Variants in TBL1XR1 observed in about 807,000 individuals in gnomAD.
The protein encoded by TBL1XR1 is F-box-like/WD repeat-containing protein TBL1XR1.
TBL1XR1 carries 5 observed loss-of-function variants against 66.9 expected under a neutral mutation model. The ratio of observed to expected loss-of-function variants is 0.07; its 90% CI spans 0.04 to 0.16. The LOEUF (loss-of-function observed/expected upper bound fraction) is 0.16. Among genes scored for constraint, TBL1XR1 ranks in the 10% least tolerant of loss-of-function variants. TBL1XR1 has a pLI of 1.00. For missense variants in TBL1XR1, 238 were observed against 623.2 expected, an observed-to-expected ratio of 0.38 and a Z score of 6.58; for synonymous variants, 210 against 206.0, an observed-to-expected ratio of 1.02 and a Z score of -0.17.
At chr3:177,179,335 G>GA (rs1734536071) in intron 1 of TBL1XR1, among the ~76,000 whole-genome samples, 3 of 152,092 alleles carry the variant, frequency 2.0e-5, no homozygotes, top group Admixed American at 6.6e-5. Flanking sequence ...ATATGCTGGG[G>GA]AAAATCACGT....
intron 1 of TBL1XR1, among the ~76,000 whole-genome samples, chr3:177,189,373 T>G (rs200715415): frequency 1.3e-5 from 2 of 151,660 alleles, no homozygotes; most frequent in East Asian, 3.9e-4. Flanking sequence ...AAAAATTAGC[T>G]GGGCGTGGTG....
intron 3 of TBL1XR1, among the ~76,000 whole-genome samples, chr3:177,062,416 A>G (rs1718633386): frequency 6.6e-6 from 1 of 152,230 alleles, no homozygotes; most frequent in South Asian, 2.1e-4. Flanking sequence ...GCAGATTCCC[A>G]GGCCCCACTC....
At chr3:177,182,666 G>A (rs988561086) in intron 1 of TBL1XR1, among the ~76,000 whole-genome samples, 3 of 152,102 alleles carry the variant, frequency 2.0e-5, no homozygotes, top group Admixed American at 2.0e-4. Context: ...GTGAGATGAG[G>A]CAACAAATAA....
At chr3:177,066,401 C>T (rs1345141894) in intron 2 of TBL1XR1, among the ~76,000 whole-genome samples, 1 of 151,950 alleles carries the variant, frequency 6.6e-6, no homozygotes, top group Non-Finnish European at 1.5e-5. Context: ...AAAGGAGGGG[C>T]ACGAAAACAA....
At chr3:177,122,835 T>G (rs1727142837) in intron 1 of TBL1XR1, among the ~76,000 whole-genome samples, 1 of 152,048 alleles carries the variant, frequency 6.6e-6, no homozygotes, top group Non-Finnish European at 1.5e-5. Flanking sequence ...GCATCAACAG[T>G]ATCTTTATCT....
rs1714243776 is a variant in TBL1XR1 at position 177,033,148 on chromosome 3, A to T, written c.1251-12T>A. 1.3e-6 allele frequency: 2 copies of T among 1,509,406 alleles called. No homozygotes were observed. The highest frequency in any genetic ancestry group is 1.3e-5 in the South Asian group (1 of 75,650). 93.5% of individuals were successfully genotyped at this position (1,509,406 alleles called of 1,614,324 possible). Reference sequence around the variant, plus strand: ...AATCAAAGGATGCACTGAAAAAGGAAGGAAAGAAAGTTAATTTATAAGTAA... The same window carrying T: ...AATCAAAGGATGCACTGAAAAAGGATGGAAAGAAAGTTAATTTATAAGTAA... On this transcript the variant is annotated splice_polypyrimidine_tract_variant and intron_variant, in intron 13 of 15. Coordinates refer to ENST00000457928, the MANE Select transcript of TBL1XR1 (RefSeq NM_024665.7).
chr3:177,057,825 G>A (rs1717993721), intron 3 of TBL1XR1, among the ~76,000 whole-genome samples: 1 of 152,068 alleles, frequency 6.6e-6, no homozygotes. Flanking sequence ...TGAGACTCAG[G>A]GAGAAGAGAG....
chr3:177,032,859 A>G, intron 14 of TBL1XR1, 112 bp downstream of exon 14: 1 of 881,416 alleles, frequency 1.1e-6, no homozygotes, highest in Non-Finnish European at 1.6e-6. Flanking sequence ...AAAACCAATA[A>G]TTCAATTAAT....
At chr3:177,174,504 T>C (rs972256011) in intron 1 of TBL1XR1, among the ~76,000 whole-genome samples, 3 of 151,968 alleles carry the variant, frequency 2.0e-5, no homozygotes, top group African/African-American at 7.3e-5. Context: ...CTTTAGCTTT[T>C]GTCCATTAGC....
At chr3:177,101,858 T>G (rs1221495280) in intron 1 of TBL1XR1, among the ~76,000 whole-genome samples, 2 of 152,146 alleles carry the variant, frequency 1.3e-5, no homozygotes, top group African/African-American at 2.4e-5. Context: ...GAACCTCCAC[T>G]TTTTCCTCCA....
At chr3:177,195,305 C>A (rs1736689220) in intron 1 of TBL1XR1, among the ~76,000 whole-genome samples, 1 of 151,904 alleles carries the variant, frequency 6.6e-6, no homozygotes, top group Admixed American at 6.6e-5. Context: ...TGCAGCCCCT[C>A]CCCCACAGGT....
chr3:177,086,448 C>A (rs187633825), intron 2 of TBL1XR1, among the ~76,000 whole-genome samples: 1 of 151,728 alleles, frequency 6.6e-6, no homozygotes, highest in East Asian at 1.9e-4. Context: ...AAAAGAAGGG[C>A]CAAGGTGTCT....
At chr3:177,186,301 T>G (rs1414753783) in intron 1 of TBL1XR1, among the ~76,000 whole-genome samples, 1 of 152,206 alleles carries the variant, frequency 6.6e-6, no homozygotes, top group Non-Finnish European at 1.5e-5. Flanking sequence ...GCATGTATAT[T>G]ACATTGTTAT....
intron 3 of TBL1XR1, among the ~76,000 whole-genome samples, chr3:177,058,905 G>A (rs999694495): frequency 6.6e-6 from 1 of 152,082 alleles, no homozygotes; most frequent in African/African-American, 2.4e-5. Flanking sequence ...CTTACAAAAA[G>A]AGGAGAAAAA....
chr3:177,080,670 A>AGT (rs574829526), intron 2 of TBL1XR1, among the ~76,000 whole-genome samples: 45 of 152,220 alleles, frequency 3.0e-4, no homozygotes, highest in African/African-American at 9.4e-4. Flanking sequence ...TTTTTAAAAG[A>AGT]GTGTCTCCAT....
intron 1 of TBL1XR1, among the ~76,000 whole-genome samples, chr3:177,128,465 T>C (rs4857819): frequency 0.68 from 103,608 of 151,948 alleles, 35,780 homozygotes; most frequent in African/African-American, 0.78. Flanking sequence ...CCTGGATCTC[T>C]CAAGCTCACG....
chr3:177,121,798 T>C (rs376584872), intron 1 of TBL1XR1, among the ~76,000 whole-genome samples: 41 of 152,250 alleles, frequency 2.7e-4, no homozygotes, highest in African/African-American at 9.6e-4. Flanking sequence ...GCTACCTTCA[T>C]GTCTGACACG....
intron 1 of TBL1XR1, among the ~76,000 whole-genome samples, chr3:177,180,364 A>G (rs1734668937): frequency 1.0e-5 from 1 of 100,142 alleles, no homozygotes; most frequent in Non-Finnish European, 1.9e-5. Context: ...GCCCATAAAT[A>G]CGTTCATTCC....
intron 1 of TBL1XR1, among the ~76,000 whole-genome samples, chr3:177,166,231 TAAC>T (rs1011456722): frequency 7.9e-5 from 12 of 151,776 alleles, no homozygotes; most frequent in African/African-American, 2.9e-4. Context: ...CTAAAAATAA[TAAC>T]AATAACAATG....
Sources: gnomAD v4.1 joint callset for allele counts (sites outside exome capture counted in the v4.1 genomes callset) on GRCh38, gnomAD v4.1.1 for gene constraint, MANE v1.5 for transcripts, NCBI Gene and HGNC (gene_info 2026-07-23, HGNC 2026-07-21) for gene names.